CHORDC1: variants seen among roughly 807,000 people sequenced by gnomAD.
CHORDC1 encodes cysteine and histidine rich domain containing 1, also known as cysteine and histidine-rich domain-containing protein 1.
In CHORDC1, 25 loss-of-function variants were observed where a neutral mutation model predicts 48.3. That is an observed-to-expected ratio of 0.52 (90% confidence interval 0.38 to 0.72). The LOEUF is 0.72. Among genes scored for constraint, CHORDC1 ranks in the 30% least tolerant of loss-of-function variants. CHORDC1 has a pLI of 0.00. For synonymous variants in CHORDC1, 128 were observed against 126.4 expected (o/e 1.01, Z -0.09); for missense variants, 317 against 388.7 (o/e 0.82, Z 1.55).
At chr11:90,217,493 A>G (rs570900657) in intron 2 of CHORDC1, among the ~76,000 whole-genome samples, 1 of 152,352 alleles carries the variant, frequency 6.6e-6, no homozygotes, top group South Asian at 2.1e-4. Context: ...CGAGATTGGC[A>G]CTAAATGTTT....
chr11:90,203,688 T>C (rs1294792880), intron 8 of CHORDC1, among the ~76,000 whole-genome samples: 2 of 147,662 alleles, frequency 1.4e-5, no homozygotes, highest in African/African-American at 2.4e-5. Flanking sequence ...ATAATATTGA[T>C]ACACAGCTAA....
At chr11:90,218,547 G>A (rs931801206) in intron 1 of CHORDC1, among the ~76,000 whole-genome samples, 6 of 152,144 alleles carry the variant, frequency 3.9e-5, no homozygotes, top group Non-Finnish European at 8.8e-5. Flanking sequence ...CAAACTTGAA[G>A]TATTCTTATG....
At position 90,223,029 on chromosome 11, in the gene CHORDC1, G is replaced by A. The variant is rs988732232; in HGVS notation, c.-75C>T. 7.7e-7 allele frequency: 1 copy of A among 1,298,906 alleles called. No individual in the cohort carries two copies. Among genetic ancestry groups the A allele is most frequent in the Non-Finnish European group, 1.1e-6 (1 of 901,070 alleles). 80.5% of individuals were successfully genotyped at this position (1,298,906 alleles called of 1,614,324 possible). ...AGGATGCGTTTGCCACTCCCGTGTC[G>A]CTAGCACCGGTCTGACGACTGAGGC... On this transcript the variant is annotated 5_prime_UTR_variant, in exon 1 of 11. Coordinates refer to ENST00000320585, the MANE Select transcript of CHORDC1 (RefSeq NM_012124.3).
chr11:90,210,478 A>G, intron 6 of CHORDC1, 58 bp downstream of exon 6: 1 of 1,079,660 alleles, frequency 9.3e-7, no homozygotes, highest in East Asian at 2.4e-5. Context: ...AGCAAACTGC[A>G]CTTTCCTCAA....
At position 90,203,294 on chromosome 11, in the gene CHORDC1, T is replaced by C; in HGVS notation, c.789+14A>G. 1.3e-6 allele frequency: 2 copies of C among 1,557,672 alleles called. No homozygotes were observed. The highest frequency in any genetic ancestry group is 8.8e-7 in the Non-Finnish European group (1 of 1,141,644). ...AGAAAAGAACTTTTACCCAAAATTA[T>C]AAGATGTACTTACCAATGTGCTATT... On this transcript the variant is annotated intron_variant, in intron 9 of 10. Transcript: ENST00000320585.
rs139818915 is a variant in CHORDC1, at chr11:90,212,426, C to T, written c.330-1108G>A. The T allele has an allele frequency of 5.9e-5, 9 of 152,250 alleles. No homozygotes were observed. In the East Asian group the frequency reaches 1.7e-3, roughly 29 times the overall value. The allele number at this position is 152,250 out of a possible 1,614,324, so 9.4% of individuals were successfully genotyped here. On this transcript the variant is annotated intron_variant, in intron 4 of 10. Coordinates refer to ENST00000320585, the MANE Select transcript of CHORDC1 (RefSeq NM_012124.3). ...ATTAAACCTCTTTTTCTTTATAAAT[C>T]ACTTAGTCTCGGGTGTTTCTTCGTA...
At chr11:90,202,605 G>A in intron 10 of CHORDC1, 54 bp from the exon 11 acceptor site, 1 of 1,577,048 alleles carries the variant, frequency 6.3e-7, no homozygotes, top group Non-Finnish European at 8.7e-7. Context: ...ATTAGTCTCA[G>A]AGGAAAACAT....
chr11:90,210,190 G>A (rs917852250), intron 6 of CHORDC1, among the ~76,000 whole-genome samples: 8 of 152,094 alleles, frequency 5.3e-5, no homozygotes, highest in African/African-American at 1.7e-4. Flanking sequence ...TCCTGATTTT[G>A]TAATATCTAA....
chr11:90,215,329 T>G, intron 2 of CHORDC1, 99 bp from the exon 3 acceptor site: 14 of 679,520 alleles, frequency 2.1e-5, no homozygotes, highest in Non-Finnish European at 3.4e-5. Context: ...AATCCTGCAG[T>G]AACTTGCGTA....
chr11:90,214,590 C>T (rs1276015806), intron 3 of CHORDC1, among the ~76,000 whole-genome samples: 2 of 152,022 alleles, frequency 1.3e-5, no homozygotes, highest in African/African-American at 2.4e-5. Context: ...ACCTCCATCT[C>T]CTCATTTGTA....
At chr11:90,211,862 T>A (rs1382118715) in intron 4 of CHORDC1, 1 of 128,102 alleles carries the variant, frequency 7.8e-6, no homozygotes, top group African/African-American at 2.6e-5. Context: ...TCATAATGGC[T>A]AAGTGTTGTA....
At chr11:90,207,828 A>G (rs1169451504) in intron 6 of CHORDC1, 1 of 151,024 alleles carries the variant, frequency 6.6e-6, no homozygotes, top group Non-Finnish European at 1.5e-5. Flanking sequence ...GACAAGTTGA[A>G]CTAGCCTCAC....
chr11:90,208,054 C>T (rs1857750737), intron 6 of CHORDC1: 1 of 143,482 alleles, frequency 7.0e-6, no homozygotes, highest in African/African-American at 2.5e-5. Context: ...AAGTATAATG[C>T]ACATATGCCA....
Position 90,214,153 on chromosome 11 carries a change from T to C in CHORDC1, c.194A>G (p.Asn65Ser). The change falls in exon 4 of 11, where the codon AAT (asparagine) becomes AGT (serine). Residue 65 changes from asparagine to serine, a missense_variant. Physicochemically the swap from Asn to Ser is conservative, Grantham distance 46. Transcript: ENST00000320585. ...GACTGGCTCAGGTGGCTTCTCACTA[T>C]TATGTCTACCTTTTGTACAGCCCTG... ...SIVGCTKGRHNSEKPPEPVKP... is the reference protein window; with the variant it reads ...SIVGCTKGRHSSEKPPEPVKP... 6.2e-7 allele frequency: 1 copy of C among 1,612,660 alleles called. No homozygotes were observed. Among genetic ancestry groups the C allele is most frequent in the Non-Finnish European group, 8.5e-7 (1 of 1,179,102 alleles).
At chr11:90,221,291 T>C (rs986610158) in intron 1 of CHORDC1, among the ~76,000 whole-genome samples, 3 of 152,210 alleles carry the variant, frequency 2.0e-5, no homozygotes, top group African/African-American at 7.2e-5. Context: ...TATCTCCATT[T>C]TCTTCTCCTT....
chr11:90,202,918 A>C (rs1857577574), intron 9 of CHORDC1, 43 bp from the exon 10 acceptor site: 2 of 1,545,726 alleles, frequency 1.3e-6, no homozygotes, highest in Non-Finnish European at 1.7e-6. Context: ...TTCAAACTGA[A>C]GATTTATGCT....
intron 4 of CHORDC1, chr11:90,213,756 A>AC (rs1857931145): frequency 4.5e-6 from 2 of 447,552 alleles, no homozygotes; most frequent in South Asian, 1.1e-4. Flanking sequence ...GAAAAATGTG[A>AC]CTTCCCTACC....
chr11:90,205,584 A>T lies in CHORDC1; in HGVS notation c.564-19T>A, dbSNP rs12287284. The T allele has an allele frequency of 0.038, 53,755 of 1,425,018 alleles. 1,210 individuals are homozygous for T. The highest frequency in any genetic ancestry group is 0.061 in the Middle Eastern group (340 of 5,616). The allele number at this position is 1,425,018 out of a possible 1,614,324, so 88.3% of individuals were successfully genotyped here. On this transcript the variant is annotated intron_variant, in intron 7 of 10. Transcript: ENST00000320585. ...TTTCATCCTTTAAATTATCACAGAA[A>T]AACTTCAGAAATAAAATCTCACAAC...
intron 1 of CHORDC1, 55 bp downstream of exon 1, chr11:90,222,836 C>A (rs1281186882): frequency 2.0e-6 from 3 of 1,510,960 alleles, no homozygotes; most frequent in African/African-American, 2.7e-5. Context: ...GCCCAAAGGG[C>A]CTCCCCTGCT....
Sources: gnomAD v4.1 joint callset for allele counts (sites outside exome capture counted in the v4.1 genomes callset) on GRCh38, gnomAD v4.1.1 for gene constraint, MANE v1.5 for transcripts, NCBI Gene and HGNC (gene_info 2026-07-23, HGNC 2026-07-21) for gene names.